Variants in NELL2 observed in about 807,000 individuals in gnomAD.
The protein encoded by NELL2 is protein kinase C-binding protein NELL2.
A neutral mutation model predicts 109.6 loss-of-function variants in NELL2; 41 were observed. The observed-to-expected ratio is 0.37, with a 90% confidence interval of 0.29 to 0.49. The LOEUF (loss-of-function observed/expected upper bound fraction) is 0.49, where lower values mean the gene tolerates loss of function less well. Among genes scored for constraint, NELL2 ranks in the 20% least tolerant of loss-of-function variants. The pLI, the probability that NELL2 is intolerant of heterozygous loss-of-function variation, is 0.98. For synonymous variants in NELL2, 355 were observed against 344.7 expected, an observed-to-expected ratio of 1.03 and a Z score of -0.33; for missense variants, 900 against 1,008.3, an observed-to-expected ratio of 0.89 and a Z score of 1.45.
chr12:44,626,000 C>T (rs1436301232), intron 13 of NELL2, among the ~76,000 whole-genome samples: 1 of 151,960 alleles, frequency 6.6e-6, no homozygotes, highest in Non-Finnish European at 1.5e-5. Flanking sequence ...AGAAGAAGCT[C>T]AATTTTAATC....
intron 19 of NELL2, among the ~76,000 whole-genome samples, chr12:44,509,973 A>C (rs1940917157): frequency 6.6e-6 from 1 of 152,154 alleles, no homozygotes; most frequent in Non-Finnish European, 1.5e-5. Context: ...ATTTTCAGTT[A>C]GGGAAGAAAA....
At chr12:44,794,952 T>C (rs1433052694) in intron 3 of NELL2, among the ~76,000 whole-genome samples, 1 of 152,188 alleles carries the variant, frequency 6.6e-6, no homozygotes, top group East Asian at 1.9e-4. Flanking sequence ...AGAAATAAAG[T>C]TAACCTTTTA....
chr12:44,580,103 T>A (rs562154583), intron 15 of NELL2, among the ~76,000 whole-genome samples: 180 of 152,278 alleles, frequency 1.2e-3, no homozygotes, highest in Admixed American at 2.2e-3. Context: ...ATGATATGTG[T>A]TTAGAGAGAA....
chr12:44,874,017 T>C (rs1344257242), intron 2 of NELL2, among the ~76,000 whole-genome samples: 3 of 152,186 alleles, frequency 2.0e-5, no homozygotes, highest in Non-Finnish European at 2.9e-5. Flanking sequence ...AGCAAACTTG[T>C]TTTAAGTAAA....
intron 15 of NELL2, among the ~76,000 whole-genome samples, chr12:44,554,031 A>G (rs1002019396): frequency 2.0e-5 from 3 of 152,166 alleles, no homozygotes; most frequent in Non-Finnish European, 4.4e-5. Context: ...CAGATTGCAG[A>G]TATCATGTAC....
chr12:44,644,596 ATATATATGTATG>A (rs1946998154), intron 13 of NELL2, among the ~76,000 whole-genome samples: 2 of 82,854 alleles, frequency 2.4e-5, no homozygotes, highest in East Asian at 9.1e-4. Flanking sequence ...ATATATATAT[ATATATATGTATG>A]TATATATATA....
chr12:44,682,356 C>T (rs1566150634), intron 12 of NELL2, among the ~76,000 whole-genome samples: 1 of 151,328 alleles, frequency 6.6e-6, no homozygotes, highest in Non-Finnish European at 1.5e-5. Flanking sequence ...AATTTTCTCC[C>T]ATTTTGTGGG....
At chr12:44,599,949 C>T (rs1257960859) in intron 15 of NELL2, among the ~76,000 whole-genome samples, 1 of 147,820 alleles carries the variant, frequency 6.8e-6, no homozygotes, top group East Asian at 2.0e-4. Flanking sequence ...GTAGGGAAAA[C>T]CTAGAATTCC....
At chr12:44,823,915 T>C (rs1317837955) in intron 2 of NELL2, among the ~76,000 whole-genome samples, 2 of 152,232 alleles carry the variant, frequency 1.3e-5, no homozygotes, top group Non-Finnish European at 2.9e-5. Flanking sequence ...ATAGGTCTTT[T>C]TGATAATAGT....
intron 16 of NELL2, among the ~76,000 whole-genome samples, chr12:44,527,215 AT>A (rs1471690133): frequency 2.0e-5 from 3 of 152,174 alleles, no homozygotes; most frequent in Non-Finnish European, 4.4e-5. Flanking sequence ...TGTAAACTTC[AT>A]TTTTTTGGTA....
intron 13 of NELL2, among the ~76,000 whole-genome samples, chr12:44,644,113 C>T (rs956128626): frequency 4.6e-5 from 7 of 152,094 alleles, no homozygotes; most frequent in Non-Finnish European, 7.4e-5. Context: ...ACTATGAACA[C>T]AGAGGCCAGT....
chr12:44,724,627 C>T (rs1394555964), intron 9 of NELL2, among the ~76,000 whole-genome samples: 1 of 151,788 alleles, frequency 6.6e-6, no homozygotes, highest in Non-Finnish European at 1.5e-5. Context: ...AATGGAAAAA[C>T]ATCCCATGCT....
At chr12:44,833,450 T>A (rs1219154661) in intron 2 of NELL2, among the ~76,000 whole-genome samples, 2 of 152,214 alleles carry the variant, frequency 1.3e-5, no homozygotes, top group Non-Finnish European at 2.9e-5. Context: ...TCTTGCCTAA[T>A]TGCTTTATAT....
intron 9 of NELL2, among the ~76,000 whole-genome samples, chr12:44,749,443 C>G (rs887671410): frequency 6.6e-6 from 1 of 152,068 alleles, no homozygotes; most frequent in Non-Finnish European, 1.5e-5. Flanking sequence ...TCTGGCATTT[C>G]CCAACCTGGA....
intron 15 of NELL2, among the ~76,000 whole-genome samples, chr12:44,564,295 C>T (rs1007744361): frequency 2.6e-5 from 4 of 152,088 alleles, no homozygotes; most frequent in African/African-American, 9.7e-5. Flanking sequence ...TGTAATGGGG[C>T]AGCATTTGAG....
chr12:44,866,369 G>T (rs1005146706), intron 2 of NELL2, among the ~76,000 whole-genome samples: 24 of 152,042 alleles, frequency 1.6e-4, no homozygotes, highest in African/African-American at 5.6e-4. Context: ...GGTCAAAAAA[G>T]AAATTAAAAG....
intron 1 of NELL2, among the ~76,000 whole-genome samples, chr12:44,912,100 C>A (rs985792976): frequency 8.6e-5 from 13 of 151,602 alleles, no homozygotes; most frequent in Admixed American, 7.9e-4. Context: ...AATGGAAAAG[C>A]CCACACAGAG....
At chr12:44,658,876 C>CAAAAAAAAAAAAAAAAA (rs758903947) in intron 13 of NELL2, among the ~76,000 whole-genome samples, 2 of 97,616 alleles carry the variant, frequency 2.0e-5, no homozygotes, top group Non-Finnish European at 3.9e-5. Context: ...GACTCTGTCT[C>CAAAAAAAAAAAAAAAAA]CAAAAAAAAA....
chr12:44,670,588 T>A (rs940761333), intron 12 of NELL2, among the ~76,000 whole-genome samples: 1 of 150,678 alleles, frequency 6.6e-6, no homozygotes, highest in Admixed American at 6.6e-5. Context: ...AAGATACACA[T>A]AGACTAAAAG....
Sources: gnomAD v4.1 joint callset for allele counts (sites outside exome capture counted in the v4.1 genomes callset) on GRCh38, gnomAD v4.1.1 for gene constraint, MANE v1.5 for transcripts, NCBI Gene and HGNC (gene_info 2026-07-23, HGNC 2026-07-21) for gene names.